Variants in PHF21A observed in about 807,000 individuals in gnomAD.
PHF21A encodes BHC80a.
Under a neutral mutation model 82.5 loss-of-function variants are expected in PHF21A, and 11 were observed. That is an observed-to-expected ratio of 0.13 (90% confidence interval 0.08 to 0.22). PHF21A has a LOEUF of 0.22. PHF21A is among the 10% of genes least tolerant of loss of function. PHF21A has a pLI of 1.00. For missense variants in PHF21A, 579 were observed against 837.8 expected (o/e 0.69, Z 3.81); for synonymous variants, 297 against 302.8 (o/e 0.98, Z 0.20).
At chr11:45,964,586 A>C (rs1315176772) in intron 10 of PHF21A, among the ~76,000 whole-genome samples, 1 of 152,196 alleles carries the variant, frequency 6.6e-6, no homozygotes, top group African/African-American at 2.4e-5. Flanking sequence ...CTTGAGAGAG[A>C]ATGCTTTTCT....
intron 6 of PHF21A, among the ~76,000 whole-genome samples, chr11:46,007,479 T>C (rs2095322232): frequency 6.6e-6 from 1 of 151,876 alleles, no homozygotes; most frequent in Admixed American, 6.6e-5. Context: ...ATGTCCAGCT[T>C]ATTTTTGTAT....
Position 45,933,800 on chromosome 11 carries a change from A to C in PHF21A, c.*168T>G. On this transcript the variant is annotated 3_prime_UTR_variant, in exon 19 of 19. Coordinates refer to ENST00000676320, the MANE Select transcript of PHF21A (RefSeq NM_001352027.3). ...ATGTACACACAGAATAAGAAGGATC[A>C]ATTGGCAAACTCTGGTGCCACCTGG... is the stretch of plus-strand genomic sequence containing the variant. 1 of 581,360 alleles carries C rather than the reference A, an allele frequency of 1.7e-6. No homozygotes were observed. Among genetic ancestry groups the C allele is most frequent in the Non-Finnish European group, 2.9e-6 (1 of 342,566 alleles). 36.0% of individuals were successfully genotyped at this position (581,360 alleles called of 1,614,324 possible).
At position 45,979,975 on chromosome 11, in the gene PHF21A, T is replaced by C. The variant is rs2094209294; in HGVS notation, c.154-9A>G. The stretch of plus-strand genomic sequence containing the variant: ...TGTTCAACTACTCTTTTCTACCAAA[T>C]GAAGACAAAAAGAAATAAAAGATAT... On this transcript the variant is annotated splice_polypyrimidine_tract_variant and intron_variant, in intron 6 of 18. Transcript: ENST00000676320. 4 of 1,613,894 alleles carry C rather than the reference T, an allele frequency of 2.5e-6. No homozygotes were observed. The highest frequency in any genetic ancestry group is 2.2e-5 in the South Asian group (2 of 91,088).
chr11:45,941,507 G>C lies in PHF21A; in HGVS notation c.1453-3195C>G, dbSNP rs58370310. On this transcript the variant is annotated intron_variant, in intron 15 of 18. Coordinates refer to ENST00000676320, the MANE Select transcript of PHF21A (RefSeq NM_001352027.3). ...AATGAGAATGAAAATGGCAAATGATGGTTTAGTATCATTATGAAAATAGCT... is the reference window on the plus strand; with the variant it reads ...AATGAGAATGAAAATGGCAAATGATCGTTTAGTATCATTATGAAAATAGCT... Among the ~76,000 whole-genome samples the C allele has an allele frequency of 6.8e-3, 1,035 of 152,166 alleles. 10 individuals carry two copies. Among genetic ancestry groups the C allele is most frequent in the African/African-American group, 0.024 (983 of 41,528 alleles).
chr11:46,093,477 T>C (rs1478477706), intron 1 of PHF21A, among the ~76,000 whole-genome samples: 1 of 152,266 alleles, frequency 6.6e-6, no homozygotes, highest in Non-Finnish European at 1.5e-5. Context: ...TGTGCTATTC[T>C]ATTCTGCCTT....
intron 6 of PHF21A, among the ~76,000 whole-genome samples, chr11:46,066,287 A>T (rs1254165394): frequency 1.6e-4 from 24 of 152,188 alleles, no homozygotes; most frequent in Admixed American, 1.6e-3. Context: ...TTAGTTACCT[A>T]GTGGTTTCAG....
At chr11:45,987,195 A>G (rs1352961681) in intron 6 of PHF21A, among the ~76,000 whole-genome samples, 1 of 152,030 alleles carries the variant, frequency 6.6e-6, no homozygotes, top group Non-Finnish European at 1.5e-5. Flanking sequence ...TCAGTGAGCT[A>G]TAATCATGCC....
chr11:46,037,219 G>C (rs1318971704), intron 6 of PHF21A, among the ~76,000 whole-genome samples: 8 of 152,188 alleles, frequency 5.3e-5, no homozygotes. Context: ...TATGTTTGTA[G>C]TATATTTTGT....
At chr11:45,947,695 A>G (rs569300335) in intron 14 of PHF21A, among the ~76,000 whole-genome samples, 1 of 152,270 alleles carries the variant, frequency 6.6e-6, no homozygotes, top group East Asian at 1.9e-4. Flanking sequence ...ACTGCCCACT[A>G]TCAGGCCAAT....
At chr11:46,011,954 A>T (rs867000934) in intron 6 of PHF21A, among the ~76,000 whole-genome samples, 1 of 152,174 alleles carries the variant, frequency 6.6e-6, no homozygotes, top group African/African-American at 2.4e-5. Context: ...TAGGTCCTTC[A>T]CTCTATCTAG....
chr11:46,097,828 C>T (rs760087166), intron 1 of PHF21A, among the ~76,000 whole-genome samples: 6 of 151,726 alleles, frequency 4.0e-5, no homozygotes, highest in South Asian at 2.1e-4. Context: ...CTAACTAGAA[C>T]ACACACACAC....
chr11:46,095,968 C>T (rs1260763006), intron 1 of PHF21A, among the ~76,000 whole-genome samples: 1 of 152,156 alleles, frequency 6.6e-6, no homozygotes, highest in African/African-American at 2.4e-5. Context: ...CTATACCAAG[C>T]TGATAGAGGC....
In PHF21A at chr11:45,954,006, G is replaced by T. The variant is rs149567292; in HGVS notation, c.997-381C>A. Among the ~76,000 whole-genome samples, 111 of 152,234 alleles carry T rather than the reference G, an allele frequency of 7.3e-4. 1 individual carries two copies. Among genetic ancestry groups the T allele is most frequent in the Middle Eastern group, 3.4e-3 (1 of 294 alleles). Reference sequence around the variant, plus strand: ...AAGCCTGCTATTTTTTGTTGTTGTTGTTGTTTTGAGATGGAGTTTTGCTCT... The same window carrying T: ...AAGCCTGCTATTTTTTGTTGTTGTTTTTGTTTTGAGATGGAGTTTTGCTCT... On this transcript the variant is annotated intron_variant, in intron 10 of 18. Coordinates refer to ENST00000676320, the MANE Select transcript of PHF21A (RefSeq NM_001352027.3).
intron 1 of PHF21A, chr11:46,117,817 A>T (rs1019527380): frequency 6.6e-6 from 1 of 152,252 alleles, no homozygotes; most frequent in African/African-American, 2.4e-5. Flanking sequence ...ACCAAGGGCC[A>T]GAATCCTTAT....
chr11:45,985,623 A>C (rs1441309337), intron 6 of PHF21A, among the ~76,000 whole-genome samples: 1 of 152,232 alleles, frequency 6.6e-6, no homozygotes, highest in Non-Finnish European at 1.5e-5. Flanking sequence ...CTTAGCTAAA[A>C]TAATTGCACT....
chr11:46,094,567 T>C (rs1298865153), intron 1 of PHF21A, among the ~76,000 whole-genome samples: 1 of 152,132 alleles, frequency 6.6e-6, no homozygotes, highest in Non-Finnish European at 1.5e-5. Flanking sequence ...CACATAAAGT[T>C]TTAAAGAAAA....
chr11:46,088,845 T>C (rs1039048230), intron 3 of PHF21A, among the ~76,000 whole-genome samples: 1 of 152,138 alleles, frequency 6.6e-6, no homozygotes, highest in Admixed American at 6.6e-5. Flanking sequence ...CTTCTAACTA[T>C]TTCTCTGGGT....
intron 6 of PHF21A, among the ~76,000 whole-genome samples, chr11:45,990,131 T>C (rs1393781857): frequency 6.6e-6 from 1 of 152,034 alleles, no homozygotes; most frequent in Non-Finnish European, 1.5e-5. Flanking sequence ...ATATTTACAG[T>C]CTTCACACCT....
chr11:46,045,057 C>T (rs2096235129), intron 6 of PHF21A, among the ~76,000 whole-genome samples: 1 of 152,168 alleles, frequency 6.6e-6, no homozygotes, highest in African/African-American at 2.4e-5. Context: ...AAGTGTTAAA[C>T]ATACAGCAAA....
Sources: allele counts gnomAD v4.1 joint callset (sites outside exome capture counted in the v4.1 genomes callset), GRCh38; gene constraint gnomAD v4.1.1; transcripts MANE v1.5; gene names NCBI Gene and HGNC (gene_info 2026-07-23, HGNC 2026-07-21).